Variants in TNKS2 observed in about 807,000 individuals in gnomAD.
TNKS2 encodes poly [ADP-ribose] polymerase tankyrase-2.
A neutral mutation model predicts 137.6 loss-of-function variants in TNKS2; 72 were observed. The observed-to-expected ratio is 0.52, with a 90% CI of 0.43 to 0.64. The LOEUF (loss-of-function observed/expected upper bound fraction) is 0.64, where lower values mean the gene tolerates loss of function less well. TNKS2 is among the 30% of genes least tolerant of loss of function. The probability of loss-of-function intolerance (pLI) is 0.00; values close to 1 mark genes in which losing one functional copy is unlikely to be tolerated. For synonymous variants in TNKS2, 516 were observed against 512.1 expected, an observed-to-expected ratio of 1.01 and a Z score of -0.10; for missense variants, 1,049 against 1,410.2, an observed-to-expected ratio of 0.74 and a Z score of 4.10.
intron 13 of TNKS2, among the ~76,000 whole-genome samples, chr10:91,837,350 A>G (rs1036843537): frequency 2.0e-5 from 3 of 152,208 alleles, no homozygotes; most frequent in Admixed American, 6.5e-5. Context: ...AAGAAAGGGG[A>G]AAAACAGTGT....
chr10:91,835,123 AAT>A (rs1191620393), intron 12 of TNKS2, among the ~76,000 whole-genome samples: 2 of 152,158 alleles, frequency 1.3e-5, no homozygotes, highest in Non-Finnish European at 2.9e-5. Context: ...TTACAGAAGT[AAT>A]AGATTTTAAT....
chr10:91,841,406 A>C lies in TNKS2; in HGVS notation c.1797A>C (p.Ala599=), dbSNP rs150996069. Residue 599 remains alanine (A), a synonymous_variant, in exon 15 of 27, where the codon GCA becomes GCC. Coordinates refer to ENST00000371627, the MANE Select transcript of TNKS2 (RefSeq NM_025235.4). ...DLWKFTPLHE[A]AAKGKYEICK... ...GGAAATTTACACCTTTACATGAAGC[A>C]GCAGCAAAAGGAAAATATGAAATTT... The C allele has an allele frequency of 1.6e-3, 2,569 of 1,608,810 alleles. 16 individuals are homozygous for C. The highest frequency in any genetic ancestry group is 0.011 in the African/African-American group (794 of 74,780).
intron 1 of TNKS2, among the ~76,000 whole-genome samples, chr10:91,804,443 T>C (rs1211312670): frequency 6.6e-6 from 1 of 152,148 alleles, no homozygotes; most frequent in East Asian, 1.9e-4. Flanking sequence ...AGTAGAACAG[T>C]GTTTGAAGTT....
intron 19 of TNKS2, among the ~76,000 whole-genome samples, 187 bp downstream of exon 19, chr10:91,848,822 G>C (rs1842460106): frequency 6.6e-6 from 1 of 151,940 alleles, no homozygotes; most frequent in Admixed American, 6.6e-5. Flanking sequence ...AGAGTCTTGT[G>C]CTACTAACCT....
intron 7 of TNKS2, among the ~76,000 whole-genome samples, chr10:91,824,820 C>A (rs1845013685): frequency 6.6e-6 from 1 of 152,128 alleles, no homozygotes; most frequent in Admixed American, 6.5e-5. Context: ...CACTTAAGTT[C>A]ACGAAATAAG....
chr10:91,841,932 T>C (rs1441680217), intron 15 of TNKS2, among the ~76,000 whole-genome samples: 8 of 146,982 alleles, frequency 5.4e-5, no homozygotes, highest in Non-Finnish European at 1.0e-4. Flanking sequence ...TTATTTTGAA[T>C]GTAGTTTAAA....
rs190394568 is a variant in TNKS2, at chr10:91,864,147, C to G, written c.*1148C>G. The G allele has an allele frequency of 6.6e-6, 1 of 152,568 alleles. No homozygotes were observed. The highest frequency in any genetic ancestry group is 2.4e-5 in the African/African-American group (1 of 41,434). The allele number at this position is 152,568 out of a possible 1,614,324, so 9.5% of individuals were successfully genotyped here. On this transcript the variant is annotated 3_prime_UTR_variant, in exon 27 of 27. Transcript: ENST00000371627. ...GTAGTTGTCTCAGTCCCCTCCAGGC[C>G]TCCTGAATGGGCAAGTGCAGTGAAA...
intron 13 of TNKS2, 98 bp from the exon 14 acceptor site, chr10:91,840,463 A>G: frequency 9.1e-7 from 1 of 1,093,242 alleles, no homozygotes; most frequent in South Asian, 1.7e-5. Flanking sequence ...GAGACAAGAA[A>G]ATAAGTCAGA....
intron 16 of TNKS2, 117 bp downstream of exon 16, chr10:91,842,508 T>G (rs1842239960): frequency 1.1e-6 from 1 of 898,284 alleles, no homozygotes; most frequent in African/African-American, 1.7e-5. Flanking sequence ...GCATGGTGGC[T>G]CACACTTGTA....
chr10:91,805,960 C>T (rs952025432), intron 1 of TNKS2, among the ~76,000 whole-genome samples: 1 of 151,648 alleles, frequency 6.6e-6, no homozygotes, highest in African/African-American at 2.4e-5. Context: ...GGAAGGAAGG[C>T]TGAAGTCAGG....
At chr10:91,803,546 G>A (rs556859097) in intron 1 of TNKS2, among the ~76,000 whole-genome samples, 12 of 152,334 alleles carry the variant, frequency 7.9e-5, no homozygotes, top group African/African-American at 2.2e-4. Flanking sequence ...GGGAGGCTAA[G>A]GTTAGAGGAT....
chr10:91,828,454 C>T, intron 9 of TNKS2, 48 bp downstream of exon 9: 1 of 1,448,746 alleles, frequency 6.9e-7, no homozygotes, highest in Non-Finnish European at 9.2e-7. Flanking sequence ...GAAGAACGTG[C>T]TAAACTAATC....
At chr10:91,801,142 G>A (rs1454887396) in intron 1 of TNKS2, among the ~76,000 whole-genome samples, 4 of 152,182 alleles carry the variant, frequency 2.6e-5, no homozygotes, top group Non-Finnish European at 5.9e-5. Context: ...GTAATATTAG[G>A]ACTGAGAGAT....
chr10:91,834,740 G>T (rs1841943160), intron 12 of TNKS2, among the ~76,000 whole-genome samples: 1 of 152,176 alleles, frequency 6.6e-6, no homozygotes, highest in Non-Finnish European at 1.5e-5. Flanking sequence ...CCAAAACTGT[G>T]AACTTACAAG....
At chr10:91,821,316 G>A (rs1844884734) in intron 6 of TNKS2, among the ~76,000 whole-genome samples, 2 of 151,766 alleles carry the variant, frequency 1.3e-5, no homozygotes, top group Non-Finnish European at 2.9e-5. Context: ...ACAGGCATGA[G>A]CCACCACGCC....
At chr10:91,851,068 G>T in intron 20 of TNKS2, 148 bp from the exon 21 acceptor site, 1 of 1,079,126 alleles carries the variant, frequency 9.3e-7, no homozygotes, top group Non-Finnish European at 1.3e-6. Flanking sequence ...TTCTGCTCAG[G>T]TTCTTATGCT....
chr10:91,823,179 A>C (rs1844955772), intron 7 of TNKS2, among the ~76,000 whole-genome samples: 2 of 152,122 alleles, frequency 1.3e-5, no homozygotes, highest in African/African-American at 4.8e-5. Context: ...CAGATATAAT[A>C]GCAAGATTTG....
Position 91,807,444 on chromosome 10 carries a change from G to T in TNKS2, c.200-5539G>T. The T allele has an allele frequency of 3.1e-6, 5 of 1,612,952 alleles. No individual in the cohort carries two copies. The South Asian group carries it at 5.5e-5, about 18-fold the overall frequency. The stretch of plus-strand genomic sequence containing the variant: ...CCAGGTCTGGTACTGCGGCATCGTG[G>T]CCTAGAGTGGAAAAGTAAAGAGAAG... On this transcript the variant is annotated intron_variant, in intron 1 of 26. Transcript: ENST00000371627.
intron 1 of TNKS2, chr10:91,807,373 T>G (rs1003386220): frequency 1.2e-6 from 2 of 1,614,178 alleles, no homozygotes; most frequent in Admixed American, 3.3e-5. Flanking sequence ...CGTGCCTTCA[T>G]AGGGTCAGCG....
Sources: allele counts gnomAD v4.1 joint callset (sites outside exome capture counted in the v4.1 genomes callset), GRCh38; gene constraint gnomAD v4.1.1; transcripts MANE v1.5; gene names NCBI Gene and HGNC (gene_info 2026-07-23, HGNC 2026-07-21).